The following COL22A1 variants were observed in gnomAD, a reference collection of about 807,000 sequenced individuals.
The protein encoded by COL22A1 is collagen alpha-1(XXII) chain.
A neutral mutation model predicts 248.9 loss-of-function variants in COL22A1; 221 were observed. The ratio of observed to expected loss-of-function variants is 0.89; its 90% CI spans 0.80 to 0.99. The LOEUF (loss-of-function observed/expected upper bound fraction) is 0.99, where lower values mean the gene tolerates loss of function less well. Ranked by LOEUF, COL22A1 falls within the 50% of genes least tolerant of loss-of-function variation. COL22A1 has a pLI of 0.00. For synonymous variants in COL22A1, 891 were observed against 793.4 expected (o/e 1.12, Z -2.07); for missense variants, 2,240 against 2,179.0 (o/e 1.03, Z -0.56).
intron 61 of COL22A1, among the ~76,000 whole-genome samples, chr8:138,598,350 T>C (rs1817716590): frequency 6.6e-6 from 1 of 152,162 alleles, no homozygotes; most frequent in Non-Finnish European, 1.5e-5. Context: ...CCCTGGGAGC[T>C]GGGTGTCTTC....
chr8:138,906,962 T>C (rs1254333306), intron 1 of COL22A1, among the ~76,000 whole-genome samples: 1 of 152,214 alleles, frequency 6.6e-6, no homozygotes, highest in Non-Finnish European at 1.5e-5. Flanking sequence ...CAAGACTTTC[T>C]TTGACTAATC....
intron 41 of COL22A1, among the ~76,000 whole-genome samples, chr8:138,668,835 C>T (rs770773612): frequency 2.6e-5 from 4 of 152,134 alleles, no homozygotes; most frequent in South Asian, 2.1e-4. Flanking sequence ...GTCAGGGTTA[C>T]GGGATGCCTA....
rs376689212 is a variant in COL22A1 at position 138,724,223 on chromosome 8, A to G, written c.2247+392T>C. Among the ~76,000 whole-genome samples, 16 of 152,284 alleles carry G rather than the reference A, an allele frequency of 1.1e-4. No homozygotes were observed. The East Asian group carries it at 2.7e-3, about 26-fold the overall frequency. On this transcript the variant is annotated intron_variant, in intron 25 of 64. Transcript: ENST00000303045. ...TTGCAAGGGAGAAAACATGATCAGGATCGTAATGGGAAGGGCTGCCACACA... is the reference window on the plus strand; with the variant it reads ...TTGCAAGGGAGAAAACATGATCAGGGTCGTAATGGGAAGGGCTGCCACACA...
chr8:138,854,071 C>A (rs1821832818), intron 3 of COL22A1, among the ~76,000 whole-genome samples: 1 of 152,286 alleles, frequency 6.6e-6, no homozygotes, highest in African/African-American at 2.4e-5. Flanking sequence ...CTGTGACTGT[C>A]ACATGGCAGA....
chr8:138,780,317 C>T (rs1363652730), intron 13 of COL22A1, among the ~76,000 whole-genome samples: 2 of 152,206 alleles, frequency 1.3e-5, no homozygotes, highest in South Asian at 2.1e-4. Context: ...GCTCACAAGC[C>T]AGGTTCCCTC....
intron 51 of COL22A1, among the ~76,000 whole-genome samples, chr8:138,624,190 AT>A (rs1820065109): frequency 6.6e-6 from 1 of 152,152 alleles, no homozygotes; most frequent in Non-Finnish European, 1.5e-5. Flanking sequence ...TAATGAGGAC[AT>A]TTGATAACAC....
At chr8:138,903,313 C>T (rs925951308) in intron 1 of COL22A1, among the ~76,000 whole-genome samples, 1 of 152,166 alleles carries the variant, frequency 6.6e-6, no homozygotes, top group African/African-American at 2.4e-5. Context: ...ACCCCAGGAT[C>T]ACCAACGGCT....
chr8:138,624,397 G>C (rs1820079772), intron 51 of COL22A1, among the ~76,000 whole-genome samples: 1 of 152,194 alleles, frequency 6.6e-6, no homozygotes, highest in Non-Finnish European at 1.5e-5. Context: ...ACAGGGCCCA[G>C]TCTTTGGCTT....
At chr8:138,859,414 G>C (rs756054319) in intron 3 of COL22A1, among the ~76,000 whole-genome samples, 14 of 152,188 alleles carry the variant, frequency 9.2e-5, no homozygotes, top group Non-Finnish European at 1.9e-4. Context: ...ACGGGATATG[G>C]CTGCCCATGG....
intron 2 of COL22A1, among the ~76,000 whole-genome samples, chr8:138,878,649 T>C (rs1034868060): frequency 1.3e-5 from 2 of 152,192 alleles, no homozygotes; most frequent in Non-Finnish European, 2.9e-5. Context: ...TTTCATTATT[T>C]TTCAACCTAC....
intron 23 of COL22A1, among the ~76,000 whole-genome samples, chr8:138,736,912 A>T (rs528777365): frequency 1.3e-5 from 2 of 152,262 alleles, no homozygotes; most frequent in South Asian, 4.1e-4. Context: ...TGGAGGACAG[A>T]CTGAGACCCA....
At chr8:138,646,831 A>G in intron 46 of COL22A1, 149 bp from the exon 47 acceptor site, 2 of 597,818 alleles carry the variant, frequency 3.3e-6, no homozygotes, top group Non-Finnish European at 5.8e-6. Flanking sequence ...AGCCTGTCTG[A>G]GCAAAGGGTA....
chr8:138,711,632 G>T (rs777597516), intron 30 of COL22A1, among the ~76,000 whole-genome samples: 1 of 152,184 alleles, frequency 6.6e-6, no homozygotes, highest in Admixed American at 6.5e-5. Context: ...TTTATAGACC[G>T]CAAGTCTGCC....
intron 2 of COL22A1, among the ~76,000 whole-genome samples, chr8:138,879,805 C>CTGGGAACAGACCAGG (rs1012194608): frequency 3.3e-5 from 5 of 151,616 alleles, no homozygotes; most frequent in African/African-American, 1.2e-4. Context: ...AGGACCAGGC[C>CTGGGAACAGACCAGG]TCTGGGAACA....
At chr8:138,774,608 C>T (rs552768551) in intron 16 of COL22A1, among the ~76,000 whole-genome samples, 4 of 151,948 alleles carry the variant, frequency 2.6e-5, no homozygotes, top group Admixed American at 6.6e-5. Context: ...TTAGTAGAGA[C>T]GGGGTTTCAC....
At chr8:138,602,282 C>G in intron 59 of COL22A1, 123 bp from the exon 60 acceptor site, 2 of 1,047,548 alleles carry the variant, frequency 1.9e-6, no homozygotes, top group South Asian at 1.4e-5. Context: ...ATAAGGTCCC[C>G]CGAGGGCTCC....
chr8:138,777,528 C>T (rs537373260), intron 15 of COL22A1, among the ~76,000 whole-genome samples: 1 of 152,250 alleles, frequency 6.6e-6, no homozygotes, highest in South Asian at 2.1e-4. Flanking sequence ...TGCCCACCAC[C>T]CCCCAACAGG....
intron 3 of COL22A1, among the ~76,000 whole-genome samples, chr8:138,866,725 A>T (rs1383943913): frequency 1.3e-5 from 2 of 152,220 alleles, no homozygotes; most frequent in Non-Finnish European, 2.9e-5. Flanking sequence ...TTGAACCTCA[A>T]ACCCCTTCTA....
intron 12 of COL22A1, among the ~76,000 whole-genome samples, chr8:138,782,348 G>A (rs563198397): frequency 2.6e-5 from 4 of 152,206 alleles, no homozygotes; most frequent in African/African-American, 4.8e-5. Context: ...CTCCTGTGTA[G>A]CTCGGACTAC....
Sources: allele counts gnomAD v4.1 joint callset (sites outside exome capture counted in the v4.1 genomes callset), GRCh38; gene constraint gnomAD v4.1.1; transcripts MANE v1.5; gene names NCBI Gene and HGNC (gene_info 2026-07-23, HGNC 2026-07-21).